The following NPAS3 variants were observed in gnomAD, a reference collection of about 807,000 sequenced individuals.
The protein encoded by NPAS3 is neuronal PAS domain protein 3.
In NPAS3, 14 loss-of-function variants were observed where a neutral mutation model predicts 73.1. That is an observed-to-expected ratio of 0.19 (90% CI 0.13 to 0.30). The LOEUF is 0.30. Ranked by LOEUF, NPAS3 falls within the 10% of genes least tolerant of loss-of-function variation. The probability of loss-of-function intolerance (pLI) is 1.00; values close to 1 mark genes in which losing one functional copy is unlikely to be tolerated. For synonymous variants in NPAS3, 620 were observed against 541.5 expected, an observed-to-expected ratio of 1.14 and a Z score of -2.01; for missense variants, 1,096 against 1,250.0, an observed-to-expected ratio of 0.88 and a Z score of 1.86.
At chr14:33,638,322 A>G (rs995266088) in intron 5 of NPAS3, among the ~76,000 whole-genome samples, 4 of 152,224 alleles carry the variant, frequency 2.6e-5, no homozygotes, top group African/African-American at 9.6e-5. Flanking sequence ...CTATCAAACC[A>G]TGGCTGGCTG....
intron 7 of NPAS3, among the ~76,000 whole-genome samples, chr14:33,736,769 G>A (rs1050652173): frequency 5.3e-5 from 8 of 152,102 alleles, no homozygotes; most frequent in Non-Finnish European, 1.0e-4. Context: ...TACTGGTTTG[G>A]AGGGGCACAT....
intron 3 of NPAS3, among the ~76,000 whole-genome samples, chr14:33,217,154 T>C (rs2047255535): frequency 6.6e-6 from 1 of 152,012 alleles, no homozygotes; most frequent in African/African-American, 2.4e-5. Flanking sequence ...AATTGCCACT[T>C]TTAAACCATC....
intron 1 of NPAS3, among the ~76,000 whole-genome samples, chr14:33,050,893 C>A (rs1211441674): frequency 6.6e-6 from 1 of 152,196 alleles, no homozygotes; most frequent in Non-Finnish European, 1.5e-5. Context: ...GCACTTTACA[C>A]AATTATCTCT....
intron 3 of NPAS3, among the ~76,000 whole-genome samples, chr14:33,245,731 C>A (rs1310798969): frequency 6.6e-6 from 1 of 152,012 alleles, no homozygotes; most frequent in Non-Finnish European, 1.5e-5. Context: ...GTGTTGAGGA[C>A]CTATTACAGT....
intron 5 of NPAS3, among the ~76,000 whole-genome samples, chr14:33,576,158 G>T (rs1385021397): frequency 1.3e-5 from 2 of 152,172 alleles, no homozygotes; most frequent in African/African-American, 4.8e-5. Flanking sequence ...AGGTTATAAT[G>T]TGTGGGATGG....
chr14:33,330,927 T>A (rs1381322515), intron 3 of NPAS3, among the ~76,000 whole-genome samples: 2 of 152,216 alleles, frequency 1.3e-5, no homozygotes, highest in Non-Finnish European at 2.9e-5. Flanking sequence ...GAAGGAGGAA[T>A]GCATTCTAAT....
At chr14:33,200,139 T>C (rs1371600931) in intron 2 of NPAS3, among the ~76,000 whole-genome samples, 2 of 151,826 alleles carry the variant, frequency 1.3e-5, no homozygotes, top group African/African-American at 4.8e-5. Context: ...TAAAACTGTG[T>C]GGTTTAAACA....
At chr14:33,739,860 T>C (rs1387649054) in intron 7 of NPAS3, among the ~76,000 whole-genome samples, 1 of 152,186 alleles carries the variant, frequency 6.6e-6, no homozygotes. Context: ...CCCTCCCATT[T>C]ATCCATCCAG....
At chr14:33,642,192 T>A (rs959930038) in intron 5 of NPAS3, among the ~76,000 whole-genome samples, 1 of 152,222 alleles carries the variant, frequency 6.6e-6, no homozygotes, top group African/African-American at 2.4e-5. Flanking sequence ...CTTCATTTTC[T>A]TTTCACATCA....
intron 4 of NPAS3, among the ~76,000 whole-genome samples, chr14:33,427,583 G>T (rs1227571656): frequency 6.6e-6 from 1 of 151,918 alleles, no homozygotes; most frequent in African/African-American, 2.4e-5. Context: ...CACGATGGGA[G>T]TAGAGCATAA....
intron 4 of NPAS3, among the ~76,000 whole-genome samples, chr14:33,495,964 TA>T: frequency 6.6e-6 from 1 of 151,834 alleles, no homozygotes; most frequent in African/African-American, 2.4e-5. Flanking sequence ...GCCAGACTAA[TA>T]AAGAAGAAAA....
chr14:33,115,249 GA>G (rs1340416140), intron 2 of NPAS3, among the ~76,000 whole-genome samples: 1 of 152,108 alleles, frequency 6.6e-6, no homozygotes, highest in African/African-American at 2.4e-5. Flanking sequence ...ACTTTTGAGA[GA>G]AACGTTTCAA....
chr14:33,106,477 A>T (rs2042724896), intron 2 of NPAS3, among the ~76,000 whole-genome samples: 2 of 152,244 alleles, frequency 1.3e-5, no homozygotes, highest in African/African-American at 4.8e-5. Context: ...TGCTATCAAA[A>T]TTTTTTGTGA....
At chr14:32,992,731 C>T (rs567331874) in intron 1 of NPAS3, among the ~76,000 whole-genome samples, 1 of 152,164 alleles carries the variant, frequency 6.6e-6, no homozygotes, top group East Asian at 1.9e-4. Flanking sequence ...CATACATAAA[C>T]TCATGATTAA....
chr14:33,110,629 A>G (rs1371344896), intron 2 of NPAS3, among the ~76,000 whole-genome samples: 1 of 152,196 alleles, frequency 6.6e-6, no homozygotes. Flanking sequence ...TTTACTTTGC[A>G]TCATTAAAAA....
At chr14:32,996,142 T>C (rs1056728400) in intron 1 of NPAS3, among the ~76,000 whole-genome samples, 2 of 152,212 alleles carry the variant, frequency 1.3e-5, no homozygotes, top group African/African-American at 4.8e-5. Flanking sequence ...AAGAGACTGG[T>C]GGCATTTTGC....
chr14:33,764,522 G>A (rs184024817), intron 7 of NPAS3, among the ~76,000 whole-genome samples: 2 of 152,196 alleles, frequency 1.3e-5, no homozygotes, highest in African/African-American at 4.8e-5. Flanking sequence ...CTTCTTCCTG[G>A]GGAGGTGCTA....
At chr14:33,781,437 A>T (rs2062976002) in intron 9 of NPAS3, among the ~76,000 whole-genome samples, 2 of 152,242 alleles carry the variant, frequency 1.3e-5, no homozygotes, top group South Asian at 4.1e-4. Context: ...CCATGTAATA[A>T]GTCTTGGTTG....
intron 7 of NPAS3, among the ~76,000 whole-genome samples, chr14:33,743,807 C>T (rs915412911): frequency 6.6e-6 from 1 of 152,224 alleles, no homozygotes; most frequent in African/African-American, 2.4e-5. Flanking sequence ...AGCTTCTACA[C>T]CAGCACTTGC....
Sources: gnomAD v4.1 joint callset for allele counts (sites outside exome capture counted in the v4.1 genomes callset) on GRCh38, gnomAD v4.1.1 for gene constraint, MANE v1.5 for transcripts, NCBI Gene and HGNC (gene_info 2026-07-23, HGNC 2026-07-21) for gene names.